Variants in CLEC1B observed in about 807,000 individuals in gnomAD.
CLEC1B encodes the protein C-type lectin-like receptor 2.
In CLEC1B, 26 loss-of-function variants were observed where a neutral mutation model predicts 26.7. The ratio of observed to expected loss-of-function variants is 0.97; its 90% CI spans 0.71 to 1.35. The LOEUF is 1.35. Ranked by LOEUF, CLEC1B falls within the 40% of genes most tolerant of loss-of-function variation. The pLI is 0.00. For missense variants in CLEC1B, 293 were observed against 282.6 expected, an observed-to-expected ratio of 1.04 and a Z score of -0.26; for synonymous variants, 112 against 96.0, an observed-to-expected ratio of 1.17 and a Z score of -0.97.
chr12:9,996,129 C>A (rs1218035765), intron 4 of CLEC1B, among the ~76,000 whole-genome samples: 1 of 152,136 alleles, frequency 6.6e-6, no homozygotes, highest in Admixed American at 6.6e-5. Context: ...AAATGGCATT[C>A]CACAGGAGAT....
upstream of CLEC1B, among the ~76,000 whole-genome samples, chr12:9,999,534 T>C (rs868485925): frequency 1.3e-5 from 2 of 152,232 alleles, no homozygotes; most frequent in East Asian, 1.9e-4. Context: ...AGCAGATATA[T>C]AGTTTATCTC....
At chr12:9,993,393 T>C (rs1348541015) in intron 5 of CLEC1B, 106 bp from the exon 6 acceptor site, 6 of 628,158 alleles carry the variant, frequency 9.6e-6, no homozygotes, top group Admixed American at 4.5e-5. Flanking sequence ...CTGAGGAAAA[T>C]AGGAAAAAAA....
chr12:9,998,606 G>A (rs112598018), intron 1 of CLEC1B, among the ~76,000 whole-genome samples: 239 of 130,390 alleles, frequency 1.8e-3, no homozygotes, highest in African/African-American at 6.6e-3. Context: ...TCTCCAAGCT[G>A]AAATATTACT....
In CLEC1B at chr12:9,998,388, C is replaced by T; in HGVS notation, c.65-8G>A. 1 of 1,605,808 alleles carries T rather than the reference C, an allele frequency of 6.2e-7. No homozygotes were observed. Among genetic ancestry groups the T allele is most frequent in the East Asian group, 2.2e-5 (1 of 44,824 alleles). ...AGGAGGATGCAGAGCCAACTGTAGG[C>T]ATATAATAAAGACATCAAGGAGCAG... On this transcript the variant is annotated splice_polypyrimidine_tract_variant and splice_region_variant and intron_variant, in intron 1 of 5. Coordinates refer to ENST00000298527, the MANE Select transcript of CLEC1B (RefSeq NM_016509.4).
At chr12:10,000,956 G>C (rs955395389), upstream of CLEC1B, among the ~76,000 whole-genome samples, 18 of 152,262 alleles carry the variant, frequency 1.2e-4, no homozygotes, top group African/African-American at 4.3e-4. Context: ...AAGTAACAGA[G>C]AGAAAAGAAA....
chr12:10,000,345 A>T (rs1405798946), upstream of CLEC1B, among the ~76,000 whole-genome samples: 1 of 152,188 alleles, frequency 6.6e-6, no homozygotes, highest in East Asian at 1.9e-4. Flanking sequence ...TTCACTTAAA[A>T]TTATCTTTCA....
intron 2 of CLEC1B, 60 bp from the exon 3 acceptor site, chr12:9,997,339 G>A (rs1433697842): frequency 2.1e-6 from 3 of 1,462,380 alleles, no homozygotes; most frequent in Non-Finnish European, 2.8e-6. Context: ...TGATGCAAAG[G>A]TCTGTCATTG....
At chr12:9,994,629 T>C (rs1312070202) in intron 5 of CLEC1B, among the ~76,000 whole-genome samples, 1 of 152,082 alleles carries the variant, frequency 6.6e-6, no homozygotes, top group East Asian at 1.9e-4. Context: ...TAATGGACAT[T>C]GGAATTATCT....
intron 5 of CLEC1B, among the ~76,000 whole-genome samples, chr12:9,994,784 G>T (rs1467337180): frequency 6.6e-6 from 1 of 151,946 alleles, no homozygotes; most frequent in Non-Finnish European, 1.5e-5. Context: ...AATATGTGAA[G>T]ATAATCAGAA....
intron 4 of CLEC1B, chr12:9,996,598 C>A: frequency 3.9e-6 from 2 of 508,168 alleles, no homozygotes; most frequent in Non-Finnish European, 7.0e-6. Flanking sequence ...TCATGTGTGA[C>A]CCACTATGTA....
chr12:9,997,700 G>T (rs1285692443), intron 2 of CLEC1B, among the ~76,000 whole-genome samples: 1 of 151,966 alleles, frequency 6.6e-6, no homozygotes. Flanking sequence ...TGATATTCAG[G>T]TAAATAATAA....
rs1307121965 is a variant in CLEC1B at position 9,999,101 on chromosome 12, G to A, written c.-1C>T. On this transcript the variant is annotated 5_prime_UTR_variant, in exon 1 of 6. Transcript: ENST00000298527. Reference sequence around the variant, plus strand: ...TGATGTATCCATCTTCATCCTGCATGGCTTCCCGAGTACTGCAACTGAGCT... The same window carrying A: ...TGATGTATCCATCTTCATCCTGCATAGCTTCCCGAGTACTGCAACTGAGCT... 1.9e-6 allele frequency: 3 copies of A among 1,604,196 alleles called. No individual in the cohort carries two copies. The highest frequency in any genetic ancestry group is 1.7e-5 in the Admixed American group (1 of 59,474).
At chr12:9,996,323 T>C (rs978361068) in intron 4 of CLEC1B, among the ~76,000 whole-genome samples, 1 of 152,232 alleles carries the variant, frequency 6.6e-6, no homozygotes, top group Non-Finnish European at 1.5e-5. Context: ...GTTGCATGAC[T>C]ACTTTTAGTT....
chr12:9,993,402 A>C lies in CLEC1B; in HGVS notation c.546-115T>G, dbSNP rs558475804. 356 of 674,772 alleles carry C rather than the reference A, an allele frequency of 5.3e-4. 4 individuals are homozygous for C. The East Asian group carries it at 0.011, about 20-fold the overall frequency. The allele number at this position is 674,772 out of a possible 1,614,324, so 41.8% of individuals were successfully genotyped here. On this transcript the variant is annotated intron_variant, in intron 5 of 5. Coordinates refer to ENST00000298527, the MANE Select transcript of CLEC1B (RefSeq NM_016509.4). ...TAGAGACTGAGGAAAATAGGAAAAA[A>C]AAACAAAAAAAAAAACGATTCTCAT...
intron 5 of CLEC1B, among the ~76,000 whole-genome samples, chr12:9,993,958 T>G (rs1864964068): frequency 6.6e-6 from 1 of 152,022 alleles, no homozygotes; most frequent in African/African-American, 2.4e-5. Context: ...GTCTTTCTTG[T>G]TGGGGAACTT....
At chr12:9,995,328 T>G (rs150186745) in intron 4 of CLEC1B, 82 bp from the exon 5 acceptor site, 11 of 1,178,512 alleles carry the variant, frequency 9.3e-6, no homozygotes, top group Non-Finnish European at 1.4e-5. Context: ...TGATAAGACG[T>G]TGGACAAAAA....
Position 9,995,636 on chromosome 12 carries a change from G to T in CLEC1B, c.439-390C>A, listed in dbSNP as rs1865025713. 35 of 251,754 alleles carry T rather than the reference G, an allele frequency of 1.4e-4. No homozygotes were observed. The South Asian group carries it at 1.5e-3, about 11-fold the overall frequency. The allele number at this position is 251,754 out of a possible 1,614,324, so 15.6% of individuals were successfully genotyped here. The stretch of plus-strand genomic sequence containing the variant: ...GAGCTGTATATTCCTTAGAGTTAAA[G>T]CCCTACCTGCTTTGGTTTTATTGCT... On this transcript the variant is annotated intron_variant, in intron 4 of 5. Transcript: ENST00000298527.
chr12:9,997,207 C>A lies in CLEC1B; in HGVS notation c.236G>T (p.Arg79Leu), dbSNP rs200797571. ...TTGTTTTACCACATATTGACAGAAG[C>A]GCTTTGCTAATTGTTGCAGAGTTCC... ...RTGTLQQLAKRFCQYVVKQSE... is the reference protein window; with the variant it reads ...RTGTLQQLAKLFCQYVVKQSE... Residue 79 changes from arginine to leucine, a missense_variant, in exon 3 of 6, where the codon CGC (arginine) becomes CTC (leucine). Arg to Leu is a moderately radical substitution (Grantham distance 102). Coordinates refer to ENST00000298527, the MANE Select transcript of CLEC1B (RefSeq NM_016509.4). The A allele has an allele frequency of 5.0e-6, 8 of 1,613,912 alleles. No individual in the cohort carries two copies. The highest frequency in any genetic ancestry group is 6.8e-6 in the Non-Finnish European group (8 of 1,179,926).
In CLEC1B at chr12:9,998,387, G is replaced by A; in HGVS notation, c.65-7C>T. The A allele has an allele frequency of 6.2e-7, 1 of 1,605,958 alleles. No individual in the cohort carries two copies. Among genetic ancestry groups the A allele is most frequent in the Non-Finnish European group, 8.5e-7 (1 of 1,172,670 alleles). On this transcript the variant is annotated splice_polypyrimidine_tract_variant and splice_region_variant and intron_variant, in intron 1 of 5. Coordinates refer to ENST00000298527, the MANE Select transcript of CLEC1B (RefSeq NM_016509.4). The stretch of plus-strand genomic sequence containing the variant: ...GAGGAGGATGCAGAGCCAACTGTAG[G>A]CATATAATAAAGACATCAAGGAGCA...
Sources: allele counts gnomAD v4.1 joint callset (sites outside exome capture counted in the v4.1 genomes callset), GRCh38; gene constraint gnomAD v4.1.1; transcripts MANE v1.5; gene names NCBI Gene and HGNC (gene_info 2026-07-23, HGNC 2026-07-21).